The following ADAMTS5 variants were observed in gnomAD, a reference collection of about 807,000 sequenced individuals.
ADAMTS5 encodes the protein A disintegrin and metalloproteinase with thrombospondin motifs 5.
Under a neutral mutation model 81.4 loss-of-function variants are expected in ADAMTS5, and 54 were observed. That is an observed-to-expected ratio of 0.66 (90% CI 0.53 to 0.83). The LOEUF is 0.83. ADAMTS5 is among the 40% of genes least tolerant of loss of function. ADAMTS5 has a pLI of 0.00. For missense variants in ADAMTS5, 1,194 were observed against 1,229.9 expected (o/e 0.97, Z 0.44); for synonymous variants, 532 against 508.8 (o/e 1.05, Z -0.61).
At chr21:26,947,467 CTT>C (rs1332356197) in intron 2 of ADAMTS5, among the ~76,000 whole-genome samples, 1 of 149,688 alleles carries the variant, frequency 6.7e-6, no homozygotes, top group Non-Finnish European at 1.5e-5. Context: ...GAGTTTCTCT[CTT>C]GTCGTCCAGG....
At chr21:26,943,580 C>A in intron 2 of ADAMTS5, 33 bp from the exon 3 acceptor site, 7 of 1,583,302 alleles carry the variant, frequency 4.4e-6, no homozygotes, top group Non-Finnish European at 6.0e-6. Context: ...TACAAATAAT[C>A]CGTGATTGTG....
At position 26,919,435 on chromosome 21, in the gene ADAMTS5, A is replaced by C. The variant is rs1219255208; in HGVS notation, c.*4618T>G. 1 of 151,782 alleles carries C rather than the reference A, an allele frequency of 6.6e-6. No individual in the cohort carries two copies. Among genetic ancestry groups the C allele is most frequent in the Non-Finnish European group, 1.5e-5 (1 of 67,870 alleles). 9.4% of individuals were successfully genotyped at this position (151,782 alleles called of 1,614,324 possible). On this transcript the variant is annotated 3_prime_UTR_variant, in exon 8 of 8. Transcript: ENST00000284987. ...GCTAATGTGCAACTATATTAGTAGA[A>C]TGCAATTAACTGGGCTAACTAATGT...
intron 5 of ADAMTS5, among the ~76,000 whole-genome samples, chr21:26,932,423 G>C (rs1049493427): frequency 6.6e-6 from 1 of 152,110 alleles, no homozygotes; most frequent in Non-Finnish European, 1.5e-5. Flanking sequence ...GCTGGGCGTG[G>C]TGCCTCATGC....
intron 1 of ADAMTS5, among the ~76,000 whole-genome samples, chr21:26,957,554 T>G (rs1381304816): frequency 2.6e-5 from 4 of 152,158 alleles, no homozygotes; most frequent in African/African-American, 9.7e-5. Flanking sequence ...GTAAACGAAT[T>G]AAAAGTTCTG....
chr21:26,924,523 A>C lies in ADAMTS5; in HGVS notation c.2323T>G (p.Leu775Val). 8 of 1,614,134 alleles carry C rather than the reference A, an allele frequency of 5.0e-6. No homozygotes were observed. Among genetic ancestry groups the C allele is most frequent in the Non-Finnish European group, 6.8e-6 (8 of 1,180,012 alleles). Residue 775 changes from leucine to valine, a missense_variant, in exon 8 of 8, where the codon TTA becomes GTA. Leu to Val is a conservative substitution (Grantham distance 32, BLOSUM62 1). Coordinates refer to ENST00000284987, the MANE Select transcript of ADAMTS5 (RefSeq NM_007038.5). ...TCACCGTTTTTCTTTTTCAGGGCTA[A>C]ATAGGCAGTGAATCTAGTCTGGTCT... ...AKDQTRFTAY[L>V]ALKKKNGEYL...
rs2123215357 is a variant in ADAMTS5, at chr21:26,966,108, C to T, written c.284G>A (p.Gly95Asp). The T allele has an allele frequency of 6.2e-7, 1 of 1,612,794 alleles. No individual in the cohort carries two copies. ...GKVGYLVYAG[G>D]RRFLLDLERD... ...CTCCAGGTCCAAGAGGAACCTCCGG[C>T]CGCCCGCGTAGACGAGGTAGCCCAC... The change falls in exon 1 of 8, where the codon GGC becomes GAC. Residue 95 changes from glycine (G) to aspartate (D), a missense_variant. This residue lies in a region of ADAMTS5 where 498 missense variants were observed against 412.3 expected (regional missense o/e 1.21). Transcript: ENST00000284987.
rs1987660250 is a variant in ADAMTS5, at chr21:26,966,138, C to T, written c.254G>A (p.Gly85Asp). The T allele has an allele frequency of 1.9e-6, 3 of 1,611,676 alleles. 1 individual carries two copies. The highest frequency in any genetic ancestry group is 1.7e-5 in the Admixed American group (1 of 59,940). ...QNIDQLYSGG[G>D]KVGYLVYAGG... ...CGCGTAGACGAGGTAGCCCACCTTG[C>T]CGCCGCCGGAGTAGAGTTGGTCGAT... The change falls in exon 1 of 8, where the codon GGC becomes GAC. Residue 85 changes from glycine (G) to aspartate (D), a missense_variant. Transcript: ENST00000284987.
intron 7 of ADAMTS5, among the ~76,000 whole-genome samples, chr21:26,928,255 T>C (rs1434591004): frequency 6.6e-6 from 1 of 152,140 alleles, no homozygotes; most frequent in Non-Finnish European, 1.5e-5. Context: ...CAGTATGAGA[T>C]CAATGTTCTT....
intron 3 of ADAMTS5, among the ~76,000 whole-genome samples, chr21:26,936,451 AC>A (rs937538071): frequency 2.6e-5 from 4 of 152,216 alleles, no homozygotes; most frequent in African/African-American, 9.6e-5. Context: ...TTTTTATTCA[AC>A]AAAAAAGTCA....
chr21:26,934,655 T>C lies in ADAMTS5; in HGVS notation c.1500A>G (p.Thr500=). 6.2e-7 allele frequency: 1 copy of C among 1,614,180 alleles called. No individual in the cohort carries two copies. The highest frequency in any genetic ancestry group is 8.5e-7 in the Non-Finnish European group (1 of 1,180,026). ...TYDATQQCNL[T]FGPEYSVCPG... is the part of the protein sequence containing the mutation. Reference sequence around the variant, plus strand: ...GACACACGGAGTACTCAGGCCCGAATGTCAGGTTGCACTGCTGGGTGGCAT... The same window carrying C: ...GACACACGGAGTACTCAGGCCCGAACGTCAGGTTGCACTGCTGGGTGGCAT... Residue 500 remains threonine (T), a synonymous_variant, in exon 4 of 8, where the codon ACA becomes ACG. Transcript: ENST00000284987.
chr21:26,951,931 A>T (rs1987327080), intron 2 of ADAMTS5, among the ~76,000 whole-genome samples: 1 of 152,052 alleles, frequency 6.6e-6, no homozygotes, highest in South Asian at 2.1e-4. Context: ...ATCTTTCCTA[A>T]ACGTTGAAGG....
intron 4 of ADAMTS5, 112 bp downstream of exon 4, chr21:26,934,354 A>G: frequency 7.2e-7 from 1 of 1,388,162 alleles, no homozygotes; most frequent in South Asian, 1.5e-5. Flanking sequence ...CTCAAAATGA[A>G]AAGTTTTTAA....
In ADAMTS5 at chr21:26,938,405, T is replaced by A. The variant is rs571766941; in HGVS notation, c.1406-3656A>T. The stretch of plus-strand genomic sequence containing the variant: ...CCAGTAAGAAAATGTGTTGGCAGAA[T>A]TCCACTAAAGGTGTTGGAAGGAATG... On this transcript the variant is annotated intron_variant, in intron 3 of 7. Coordinates refer to ENST00000284987, the MANE Select transcript of ADAMTS5 (RefSeq NM_007038.5). Among the ~76,000 whole-genome samples, 3 of 152,316 alleles carry A rather than the reference T, an allele frequency of 2.0e-5. No homozygotes were observed. In the South Asian group the frequency reaches 6.2e-4, roughly 32 times the overall value.
chr21:26,923,851 A>G lies in ADAMTS5; in HGVS notation c.*202T>C. On this transcript the variant is annotated 3_prime_UTR_variant, in exon 8 of 8. Transcript: ENST00000284987. ...TGTTCAATAACTCCCAAGTTTTTCTATATTGCAAGGTCACCACTGTCACGT... is the reference window on the plus strand; with the variant it reads ...TGTTCAATAACTCCCAAGTTTTTCTGTATTGCAAGGTCACCACTGTCACGT... 2 of 517,734 alleles carry G rather than the reference A, an allele frequency of 3.9e-6. No individual in the cohort carries two copies. Among genetic ancestry groups the G allele is most frequent in the Non-Finnish European group, 6.7e-6 (2 of 298,740 alleles). 32.1% of individuals were successfully genotyped at this position (517,734 alleles called of 1,614,324 possible).
chr21:26,943,638 C>T, intron 2 of ADAMTS5, 91 bp from the exon 3 acceptor site: 1 of 1,270,348 alleles, frequency 7.9e-7, no homozygotes, highest in Non-Finnish European at 1.1e-6. Flanking sequence ...ATTTTTTTCC[C>T]CTAATTGTAG....
At position 26,923,050 on chromosome 21, in the gene ADAMTS5, T is replaced by G. The variant is rs1048123195; in HGVS notation, c.*1003A>C. 6.6e-6 allele frequency: 1 copy of G among 152,232 alleles called. No homozygotes were observed. Among genetic ancestry groups the G allele is most frequent in the Non-Finnish European group, 1.5e-5 (1 of 68,030 alleles). 9.4% of individuals were successfully genotyped at this position (152,232 alleles called of 1,614,324 possible). On this transcript the variant is annotated 3_prime_UTR_variant, in exon 8 of 8. Transcript: ENST00000284987. ...TTTAAAGGCTTGCTGGTAGGAGGTA[T>G]ACCAGTGTTGAATGTGTTGGACATG...
chr21:26,960,341 G>A (rs142041385), intron 1 of ADAMTS5, among the ~76,000 whole-genome samples: 43 of 152,290 alleles, frequency 2.8e-4, no homozygotes, highest in Middle Eastern at 6.8e-3. Context: ...TTCAATGATT[G>A]CCATTGCACT....
At chr21:26,961,179 AAG>A (rs887353872) in intron 1 of ADAMTS5, among the ~76,000 whole-genome samples, 2 of 152,218 alleles carry the variant, frequency 1.3e-5, no homozygotes, top group African/African-American at 4.8e-5. Flanking sequence ...CTGTTAGTCT[AAG>A]AAGTTTATCT....
At chr21:26,945,105 T>C (rs1440288506) in intron 2 of ADAMTS5, among the ~76,000 whole-genome samples, 1 of 151,958 alleles carries the variant, frequency 6.6e-6, no homozygotes, top group African/African-American at 2.4e-5. Flanking sequence ...GCTCATCTAA[T>C]TTTTGAGTGG....
Sources: allele counts gnomAD v4.1 joint callset (sites outside exome capture counted in the v4.1 genomes callset), GRCh38; gene constraint gnomAD v4.1.1; regional missense constraint gnomAD v4.1.1; transcripts MANE v1.5; gene names NCBI Gene and HGNC (gene_info 2026-07-23, HGNC 2026-07-21).